AOPEP: variants seen among roughly 807,000 people sequenced by gnomAD.
AOPEP encodes aminopeptidase O (putative).
A neutral mutation model predicts 98.1 loss-of-function variants in AOPEP; 77 were observed. The ratio of observed to expected loss-of-function variants is 0.78; its 90% CI spans 0.65 to 0.95. The LOEUF (loss-of-function observed/expected upper bound fraction) is 0.95, where lower values mean the gene tolerates loss of function less well. Among genes scored for constraint, AOPEP ranks in the 40% least tolerant of loss-of-function variants. The pLI is 0.00. For synonymous variants in AOPEP, 346 were observed against 365.3 expected (o/e 0.95, Z 0.60); for missense variants, 1,024 against 1,024.7 (o/e 1.00, Z 0.01).
At chr9:95,017,261 G>A (rs890200744) in intron 13 of AOPEP, among the ~76,000 whole-genome samples, 3 of 152,054 alleles carry the variant, frequency 2.0e-5, no homozygotes, top group African/African-American at 7.2e-5. Context: ...TAATTATGGG[G>A]AAATGCTTCA....
intron 7 of AOPEP, chr9:94,933,238 G>A (rs983343692): frequency 8.1e-6 from 8 of 985,448 alleles, no homozygotes; most frequent in East Asian, 1.1e-4. Flanking sequence ...CGAAAGGCTC[G>A]CCATGCCTCC....
intron 5 of AOPEP, among the ~76,000 whole-genome samples, chr9:94,817,233 G>A (rs1851906357): frequency 6.6e-6 from 1 of 152,138 alleles, no homozygotes; most frequent in Non-Finnish European, 1.5e-5. Flanking sequence ...GCGAACTCCT[G>A]GACTCAAGCA....
chr9:94,812,917 T>C (rs1343529486), intron 5 of AOPEP, among the ~76,000 whole-genome samples: 1 of 152,028 alleles, frequency 6.6e-6, no homozygotes, highest in East Asian at 1.9e-4. Context: ...TTTAAAGCGT[T>C]TTATTGAGCC....
intron 5 of AOPEP, among the ~76,000 whole-genome samples, chr9:94,803,476 CAT>C (rs1395273047): frequency 6.6e-6 from 1 of 152,080 alleles, no homozygotes; most frequent in Non-Finnish European, 1.5e-5. Flanking sequence ...TATTACGTAT[CAT>C]AGTTTTTATT....
chr9:95,024,848 C>T (rs980877455), intron 13 of AOPEP, among the ~76,000 whole-genome samples: 1 of 152,194 alleles, frequency 6.6e-6, no homozygotes, highest in Non-Finnish European at 1.5e-5. Flanking sequence ...AAAAATAATT[C>T]CAACCATTTC....
intron 5 of AOPEP, among the ~76,000 whole-genome samples, chr9:94,814,045 G>A (rs1335936341): frequency 6.6e-6 from 1 of 152,214 alleles, no homozygotes; most frequent in East Asian, 1.9e-4. Flanking sequence ...ACCAAGGGGT[G>A]GAATATCTAT....
At chr9:94,952,887 G>C (rs1299586356) in intron 7 of AOPEP, among the ~76,000 whole-genome samples, 1 of 152,250 alleles carries the variant, frequency 6.6e-6, no homozygotes, top group Non-Finnish European at 1.5e-5. Context: ...TGGAAGAAGA[G>C]AGTTAGAGAG....
rs370911982 is a variant in AOPEP at position 94,760,376 on chromosome 9, G to A, written c.593G>A (p.Arg198His). The A allele has an allele frequency of 1.4e-5, 23 of 1,614,168 alleles. No individual in the cohort carries two copies. The highest frequency in any genetic ancestry group is 2.2e-5 in the South Asian group (2 of 91,082). ...GAACTTGTGACTTTGCCTGCAAATC[G>A]TTGGAGGGAGCAGTTAGACTATTAC... ...VRELVTLPANRWREQLDYYAR... is the reference protein window; with the variant it reads ...VRELVTLPANHWREQLDYYAR... The change falls in exon 2 of 17, where the codon CGT (arginine) becomes CAT (histidine). Residue 198 changes from arginine (R) to histidine (H), a missense_variant. This residue lies in a region of AOPEP where 440 missense variants were observed against 433.8 expected (regional missense o/e 1.01). Transcript: ENST00000375315.
chr9:94,845,129 C>T (rs894034688), intron 5 of AOPEP, among the ~76,000 whole-genome samples: 1 of 152,152 alleles, frequency 6.6e-6, no homozygotes, highest in African/African-American at 2.4e-5. Context: ...AATGAAAGCA[C>T]TATGAAGAGA....
At chr9:94,824,608 G>C (rs557704752) in intron 5 of AOPEP, 1 of 152,308 alleles carries the variant, frequency 6.6e-6, no homozygotes, top group East Asian at 1.9e-4. Context: ...GAGAGCATTT[G>C]CAGAAGGGTG....
At chr9:95,005,700 A>G (rs2061959260) in intron 13 of AOPEP, 84 bp downstream of exon 13, 2 of 1,072,170 alleles carry the variant, frequency 1.9e-6, no homozygotes, top group African/African-American at 3.2e-5. Flanking sequence ...ACAATAGAGT[A>G]GTGTTTAATT....
At chr9:94,738,852 G>A (rs1007836053) in intron 1 of AOPEP, among the ~76,000 whole-genome samples, 1 of 152,244 alleles carries the variant, frequency 6.6e-6, no homozygotes, top group Admixed American at 6.5e-5. Context: ...GGGATTACAG[G>A]CGTGAGCCGC....
rs146869553 is a variant in AOPEP, at chr9:94,783,896, AG to A, written c.965-8868del. Among the ~76,000 whole-genome samples the A allele has an allele frequency of 7.4e-3, 1,125 of 152,290 alleles. 14 individuals carry two copies. Among genetic ancestry groups the A allele is most frequent in the African/African-American group, 0.026 (1,086 of 41,556 alleles). ...GAAATAAGGAATTGTGGTTAGAGAA[AG>A]AAACAATTTTGAGGTAGCAAAGTAG... On this transcript the variant is annotated intron_variant, in intron 3 of 16. Coordinates refer to ENST00000375315, the MANE Select transcript of AOPEP (RefSeq NM_001193329.3).
chr9:94,779,080 G>A (rs1420458526), intron 3 of AOPEP, among the ~76,000 whole-genome samples: 1 of 151,914 alleles, frequency 6.6e-6, no homozygotes, highest in African/African-American at 2.4e-5. Flanking sequence ...AATTTTAGGT[G>A]TCAACTTGAC....
At chr9:94,916,485 A>G (rs2052812914) in intron 5 of AOPEP, among the ~76,000 whole-genome samples, 1 of 152,134 alleles carries the variant, frequency 6.6e-6, no homozygotes. Flanking sequence ...CGGGCAGACC[A>G]TGAGGTCAGG....
intron 13 of AOPEP, among the ~76,000 whole-genome samples, chr9:95,047,668 A>T (rs1228770022): frequency 6.6e-6 from 1 of 152,176 alleles, no homozygotes; most frequent in Non-Finnish European, 1.5e-5. Flanking sequence ...CTTATTCTCA[A>T]TAAATCACAT....
intron 12 of AOPEP, 97 bp downstream of exon 12, chr9:95,005,317 G>C: frequency 2.7e-6 from 2 of 753,106 alleles, no homozygotes; most frequent in Non-Finnish European, 3.5e-6. Flanking sequence ...GCGCGGGTGC[G>C]GGGACTACCC....
intron 16 of AOPEP, among the ~76,000 whole-genome samples, chr9:95,083,572 T>C (rs1379295390): frequency 3.0e-5 from 4 of 133,264 alleles, no homozygotes; most frequent in African/African-American, 5.8e-5. Flanking sequence ...ACACAGCGCA[T>C]GCACAACACA....
chr9:95,130,595 A>G, the AOPEP span, among the ~76,000 whole-genome samples: 1 of 152,316 alleles, frequency 6.6e-6, no homozygotes, highest in Admixed American at 6.5e-5. Flanking sequence ...CATGTAGCTT[A>G]AATATTTACT....
Sources: gnomAD v4.1 joint callset for allele counts (sites outside exome capture counted in the v4.1 genomes callset) on GRCh38, gnomAD v4.1.1 for gene constraint, gnomAD v4.1.1 regional missense constraint, MANE v1.5 for transcripts, NCBI Gene and HGNC (gene_info 2026-07-23, HGNC 2026-07-21) for gene names.